Variants in FAM89A observed in about 807,000 individuals in gnomAD.
FAM89A encodes protein FAM89A.
FAM89A carries 10 observed loss-of-function variants against 7.1 expected under a neutral mutation model. That is an observed-to-expected ratio of 1.40 (90% confidence interval 0.86 to 2.38). The LOEUF (loss-of-function observed/expected upper bound fraction) is 2.38, where lower values mean the gene tolerates loss of function less well. Among genes scored for constraint, FAM89A ranks in the 30% most tolerant of loss-of-function variants. The pLI, the probability that FAM89A is intolerant of heterozygous loss-of-function variation, is 0.00. For missense variants in FAM89A, 276 were observed against 262.8 expected (o/e 1.05, Z -0.35); for synonymous variants, 157 against 129.3 (o/e 1.21, Z -1.45).
chr1:231,032,822 G>A (rs939250091), intron 1 of FAM89A, among the ~76,000 whole-genome samples: 1 of 152,164 alleles, frequency 6.6e-6, no homozygotes, highest in Non-Finnish European at 1.5e-5. Context: ...ATTACCCGCT[G>A]ACTAGGGAGC....
chr1:231,038,074 A>G (rs984269849), intron 1 of FAM89A, among the ~76,000 whole-genome samples: 2 of 152,190 alleles, frequency 1.3e-5, no homozygotes, highest in African/African-American at 4.8e-5. Flanking sequence ...CATGGCCCCA[A>G]GTCAGTAAAT....
Position 231,040,025 on chromosome 1 carries a change from C to T in FAM89A, c.187G>A (p.Glu63Lys). ...LYAQKSRIQD[E>K]LSRGGPGGGG... ...CCGCCCGGGCCCCCGCGGCTCAGCTCGTCCTGGATGCGCGACTTCTGCGCG... is the reference window on the plus strand; with the variant it reads ...CCGCCCGGGCCCCCGCGGCTCAGCTTGTCCTGGATGCGCGACTTCTGCGCG... The change falls in exon 1 of 2, where the codon GAG becomes AAG. Residue 63 changes from glutamate to lysine, a missense_variant. Coordinates refer to ENST00000366654, the MANE Select transcript of FAM89A (RefSeq NM_198552.3). 6.9e-7 allele frequency: 1 copy of T among 1,442,128 alleles called. No homozygotes were observed. Among genetic ancestry groups the T allele is most frequent in the Non-Finnish European group, 9.1e-7 (1 of 1,100,166 alleles). 89.3% of individuals were successfully genotyped at this position (1,442,128 alleles called of 1,614,324 possible). A position where few individuals can be genotyped will look rare whatever the true frequency, so the allele number is the denominator to read the frequency against.
chr1:231,040,217 C>T lies in FAM89A; in HGVS notation c.-6G>A. The T allele has an allele frequency of 9.5e-7, 1 of 1,054,376 alleles. No individual in the cohort carries two copies. Among genetic ancestry groups the T allele is most frequent in the Non-Finnish European group, 1.1e-6 (1 of 877,174 alleles). 65.3% of individuals were successfully genotyped at this position (1,054,376 alleles called of 1,614,324 possible). On this transcript the variant is annotated 5_prime_UTR_variant, in exon 1 of 2. Transcript: ENST00000366654. Reference sequence around the variant, plus strand: ...GCCGCCCGGGCCCCACTCATCGCGCCGCGGCCCGGCCACGCGCCTGCCCCG... The same window carrying T: ...GCCGCCCGGGCCCCACTCATCGCGCTGCGGCCCGGCCACGCGCCTGCCCCG...
intron 1 of FAM89A, among the ~76,000 whole-genome samples, chr1:231,035,575 GT>G (rs1445148130): frequency 6.6e-6 from 1 of 152,160 alleles, no homozygotes; most frequent in African/African-American, 2.4e-5. Context: ...CCTCGCACGG[GT>G]GCTGGGAAGG....
At chr1:231,029,221 CTCACGCCT>C (rs1195791917) in intron 1 of FAM89A, among the ~76,000 whole-genome samples, 1 of 152,220 alleles carries the variant, frequency 6.6e-6, no homozygotes, top group African/African-American at 2.4e-5. Flanking sequence ...AGATTACAGG[CTCACGCCT>C]GTAATCCCAG....
chr1:231,029,037 T>C (rs1680024047), intron 1 of FAM89A, among the ~76,000 whole-genome samples: 1 of 152,186 alleles, frequency 6.6e-6, no homozygotes, highest in Non-Finnish European at 1.5e-5. Flanking sequence ...CTCTGGAGGC[T>C]GCATGGGGGA....
At chr1:231,023,272 G>A (rs985731734) in intron 1 of FAM89A, among the ~76,000 whole-genome samples, 10 of 152,170 alleles carry the variant, frequency 6.6e-5, no homozygotes, top group Non-Finnish European at 1.2e-4. Flanking sequence ...GCCTTTGACT[G>A]CTCCATAGGT....
chr1:231,025,372 T>C (rs1171117258), intron 1 of FAM89A, among the ~76,000 whole-genome samples: 1 of 152,168 alleles, frequency 6.6e-6, no homozygotes, highest in Non-Finnish European at 1.5e-5. Flanking sequence ...AATGGGGGAT[T>C]TGGGCTCGCT....
chr1:231,032,118 AAG>A lies in FAM89A; in HGVS notation c.291+7801_291+7802del, dbSNP rs1680080438. Reference sequence around the variant, plus strand: ...ATTTTATGTCTGTATTGGTATAAGAAAGAGTCAATAATTGGCTTTAGCTGTAT... The same window carrying A: ...ATTTTATGTCTGTATTGGTATAAGAAAGTCAATAATTGGCTTTAGCTGTAT... On this transcript the variant is annotated intron_variant, in intron 1 of 1. Transcript: ENST00000366654. Among the ~76,000 whole-genome samples, 5 of 152,356 alleles carry A rather than the reference AAG, an allele frequency of 3.3e-5. No homozygotes were observed. The South Asian group carries it at 1.0e-3, about 32-fold the overall frequency.
Position 231,019,813 on chromosome 1 carries a change from C to T in FAM89A, c.*50G>A, listed in dbSNP as rs367649384. 1.9e-5 allele frequency: 30 copies of T among 1,578,386 alleles called. No homozygotes were observed. The highest frequency in any genetic ancestry group is 5.8e-5 in the South Asian group (5 of 86,956). On this transcript the variant is annotated 3_prime_UTR_variant, in exon 2 of 2. Coordinates refer to ENST00000366654, the MANE Select transcript of FAM89A (RefSeq NM_198552.3). The stretch of plus-strand genomic sequence containing the variant: ...CAAGAGAAGCAGCAAATGATGACAG[C>T]GTGTCCAGTAGGAAGGGCTTCCCAA...
intron 1 of FAM89A, chr1:231,021,777 C>A: frequency 6.2e-7 from 1 of 1,602,932 alleles, no homozygotes; most frequent in Non-Finnish European, 8.5e-7. Context: ...TCTTTAGAGC[C>A]TGTGGTGGTT....
At chr1:231,023,839 G>C (rs1436926270) in intron 1 of FAM89A, among the ~76,000 whole-genome samples, 1 of 152,150 alleles carries the variant, frequency 6.6e-6, no homozygotes, top group Non-Finnish European at 1.5e-5. Flanking sequence ...GGCATCACGG[G>C]AATGTCACAA....
rs1374738597 is a variant in FAM89A at position 231,019,842 on chromosome 1, T to C, written c.*21A>G. On this transcript the variant is annotated 3_prime_UTR_variant, in exon 2 of 2. Coordinates refer to ENST00000366654, the MANE Select transcript of FAM89A (RefSeq NM_198552.3). ...TCCAGTAGGAAGGGCTTCCCAACAG[T>C]CACATCCCTCCCAAGACCCTCTAGA... 6.2e-7 allele frequency: 1 copy of C among 1,604,532 alleles called. No individual in the cohort carries two copies. Among genetic ancestry groups the C allele is most frequent in the African/African-American group, 1.3e-5 (1 of 74,684 alleles).
At chr1:231,033,872 G>A (rs1680114906) in intron 1 of FAM89A, among the ~76,000 whole-genome samples, 1 of 152,122 alleles carries the variant, frequency 6.6e-6, no homozygotes, top group African/African-American at 2.4e-5. Context: ...TCAAGTGAAT[G>A]AAGCCAGGCA....
chr1:231,040,095 C>A lies in FAM89A; in HGVS notation c.117G>T (p.Ser39=), dbSNP rs766589274. The A allele has an allele frequency of 1.4e-6, 2 of 1,438,434 alleles. No homozygotes were observed. The highest frequency in any genetic ancestry group is 1.4e-5 in the South Asian group (1 of 71,864). 89.1% of individuals were successfully genotyped at this position (1,438,434 alleles called of 1,614,324 possible). ...KSLSGLLHSA[S]GGGASGGWRH... The stretch of plus-strand genomic sequence containing the variant: ...GCCAGCCCCCAGACGCGCCGCCGCC[C>A]GACGCCGAGTGCAGCAGCCCGCTCA... Residue 39 remains serine (S), a synonymous_variant, in exon 1 of 2, where the codon TCG becomes TCT. Coordinates refer to ENST00000366654, the MANE Select transcript of FAM89A (RefSeq NM_198552.3).
At chr1:231,031,109 CAATAAT>C (rs138693629) in intron 1 of FAM89A, among the ~76,000 whole-genome samples, 12 of 150,326 alleles carry the variant, frequency 8.0e-5, no homozygotes, top group African/African-American at 1.2e-4. Context: ...GACTCTGTCT[CAATAAT>C]AATAATAATA....
At chr1:231,020,275 C>T in intron 1 of FAM89A, 149 bp from the exon 2 acceptor site, 1 of 847,602 alleles carries the variant, frequency 1.2e-6, no homozygotes, top group Non-Finnish European at 1.8e-6. Context: ...TTTGGATTTC[C>T]AGTTTTGAGA....
At chr1:231,023,521 T>C (rs1352069338) in intron 1 of FAM89A, among the ~76,000 whole-genome samples, 2 of 152,134 alleles carry the variant, frequency 1.3e-5, no homozygotes, top group Admixed American at 6.5e-5. Flanking sequence ...ATCTTCAGGG[T>C]GGGAAAGGGG....
chr1:231,033,477 C>G (rs897005430), intron 1 of FAM89A, among the ~76,000 whole-genome samples: 4 of 152,152 alleles, frequency 2.6e-5, no homozygotes, highest in African/African-American at 7.2e-5. Context: ...TTGAACCCTC[C>G]CTAAACATCC....
Sources: gnomAD v4.1 joint callset for allele counts (sites outside exome capture counted in the v4.1 genomes callset) on GRCh38, gnomAD v4.1.1 for gene constraint, MANE v1.5 for transcripts, NCBI Gene and HGNC (gene_info 2026-07-23, HGNC 2026-07-21) for gene names.